USP45: variants seen among roughly 807,000 people sequenced by gnomAD.
USP45 encodes the protein ubiquitin specific peptidase 45.
In USP45, 89 loss-of-function variants were observed where a neutral mutation model predicts 95.8. The observed-to-expected ratio is 0.93, with a 90% CI of 0.78 to 1.11. The LOEUF (loss-of-function observed/expected upper bound fraction) is 1.11, where lower values mean the gene tolerates loss of function less well. Ranked by LOEUF, USP45 falls within the 50% of genes least tolerant of loss-of-function variation. USP45 has a pLI of 0.00. For synonymous variants in USP45, 281 were observed against 316.2 expected (o/e 0.89, Z 1.18); for missense variants, 898 against 942.5 (o/e 0.95, Z 0.62).
At chr6:99,495,649 T>C (rs56145024) in intron 5 of USP45, among the ~76,000 whole-genome samples, 8,941 of 152,270 alleles carry the variant, frequency 0.059, 326 homozygotes, top group South Asian at 0.12. Flanking sequence ...GATGATGCAA[T>C]TTATAAGTGT....
chr6:99,488,642 A>C, intron 6 of USP45, 39 bp downstream of exon 6: 1 of 1,569,654 alleles, frequency 6.4e-7, no homozygotes, highest in South Asian at 1.2e-5. Context: ...AAATTAAGAG[A>C]ATCTTTTACA....
chr6:99,443,680 A>T lies in USP45; in HGVS notation c.1976-18T>A. 1 of 1,455,008 alleles carries T rather than the reference A, an allele frequency of 6.9e-7. No individual in the cohort carries two copies. Among genetic ancestry groups the T allele is most frequent in the Non-Finnish European group, 9.3e-7 (1 of 1,080,152 alleles). The allele number at this position is 1,455,008 out of a possible 1,614,324, so 90.1% of individuals were successfully genotyped here. A position where few individuals can be genotyped will look rare whatever the true frequency, so the allele number is the denominator to read the frequency against. On this transcript the variant is annotated intron_variant, in intron 14 of 17. Transcript: ENST00000500704. ...TTTCTTTTCTACATAAAATACAATA[A>T]ATTTATTTATAAAATTCCATTTTAT... is the stretch of plus-strand genomic sequence containing the variant.
At chr6:99,506,923 AG>A (rs968517621) in intron 4 of USP45, among the ~76,000 whole-genome samples, 1 of 152,184 alleles carries the variant, frequency 6.6e-6, no homozygotes, top group Non-Finnish European at 1.5e-5. Context: ...AAAAGTAGAA[AG>A]GCTGGGCGCA....
At chr6:99,516,020 G>T (rs1471607565), upstream of USP45, among the ~76,000 whole-genome samples, 1 of 151,856 alleles carries the variant, frequency 6.6e-6, no homozygotes, top group Non-Finnish European at 1.5e-5. Flanking sequence ...CTTGTGATCC[G>T]CCCGCCCCGG....
At chr6:99,450,773 C>T (rs1783680684) in intron 13 of USP45, among the ~76,000 whole-genome samples, 1 of 152,114 alleles carries the variant, frequency 6.6e-6, no homozygotes, top group South Asian at 2.1e-4. Context: ...AACATCGATG[C>T]AAAAATCCTC....
intron 2 of USP45, among the ~76,000 whole-genome samples, chr6:99,509,797 A>G (rs1197046073): frequency 6.6e-6 from 1 of 152,180 alleles, no homozygotes; most frequent in Non-Finnish European, 1.5e-5. Context: ...CAGATTTCTT[A>G]ATTAAAAACA....
At chr6:99,485,676 C>T (rs1793707358) in intron 7 of USP45, among the ~76,000 whole-genome samples, 1 of 152,104 alleles carries the variant, frequency 6.6e-6, no homozygotes, top group Admixed American at 6.5e-5. Context: ...TCAAGTTATA[C>T]ACTCATAATA....
At chr6:99,513,086 G>T (rs1800271844) in intron 1 of USP45, among the ~76,000 whole-genome samples, 1 of 152,142 alleles carries the variant, frequency 6.6e-6, no homozygotes, top group Non-Finnish European at 1.5e-5. Context: ...ATGGAGAGGG[G>T]TTGCCCATGT....
At chr6:99,492,252 C>A (rs1008991732) in intron 5 of USP45, among the ~76,000 whole-genome samples, 1 of 152,198 alleles carries the variant, frequency 6.6e-6, no homozygotes, top group Non-Finnish European at 1.5e-5. Flanking sequence ...GATATATCCA[C>A]GCTTCACTGT....
At chr6:99,498,149 T>A (rs1240582421) in intron 5 of USP45, among the ~76,000 whole-genome samples, 1 of 152,188 alleles carries the variant, frequency 6.6e-6, no homozygotes, top group Non-Finnish European at 1.5e-5. Context: ...TAGAAGTAGA[T>A]CTGTCTCATT....
In USP45 at chr6:99,466,774, C is replaced by A. The variant is rs778903166; in HGVS notation, c.1016-11G>T. The A allele has an allele frequency of 6.8e-6, 11 of 1,607,468 alleles. No homozygotes were observed. In the East Asian group the frequency reaches 2.5e-4, roughly 36 times the overall value. ...CTTCTTTTCCATATGCTGTAAAAATCATACTTTTTAATGCAAAAAACATGT... is the reference window on the plus strand; with the variant it reads ...CTTCTTTTCCATATGCTGTAAAAATAATACTTTTTAATGCAAAAAACATGT... On this transcript the variant is annotated splice_polypyrimidine_tract_variant and intron_variant, in intron 10 of 17. Coordinates refer to ENST00000500704, the MANE Select transcript of USP45 (RefSeq NM_001346022.3).
At chr6:99,454,320 T>G (rs1418325688) in intron 13 of USP45, among the ~76,000 whole-genome samples, 2 of 152,094 alleles carry the variant, frequency 1.3e-5, no homozygotes, top group Non-Finnish European at 2.9e-5. Context: ...TCAAGATAGA[T>G]AAAAGACTTA....
intron 13 of USP45, among the ~76,000 whole-genome samples, chr6:99,457,001 T>C (rs938806046): frequency 6.6e-6 from 1 of 152,208 alleles, no homozygotes; most frequent in Non-Finnish European, 1.5e-5. Context: ...CCGTCTCTTA[T>C]GGTCGAGACT....
chr6:99,501,659 A>G (rs1316042345), intron 5 of USP45: 1 of 163,582 alleles, frequency 6.1e-6, no homozygotes, highest in East Asian at 1.8e-4. Context: ...TACAGACCAA[A>G]TAAAATTTAA....
At chr6:99,479,224 AGTATATTT>A (rs1791699610) in intron 8 of USP45, among the ~76,000 whole-genome samples, 1 of 10,228 alleles carries the variant, frequency 9.8e-5, no homozygotes, top group African/African-American at 4.2e-4. Flanking sequence ...CTTATCCAAT[AGTATATTT>A]TATTTTTTAG....
At chr6:99,436,762 A>T (rs1780562241) in intron 17 of USP45, among the ~76,000 whole-genome samples, 1 of 152,084 alleles carries the variant, frequency 6.6e-6, no homozygotes, top group Admixed American at 6.5e-5. Context: ...AGTCTTCATA[A>T]TATTTGAGAT....
chr6:99,446,001 C>G lies in USP45; in HGVS notation c.1771G>C (p.Glu591Gln). Reference protein sequence around the residue: ...LNISNNLCFLEGKHLRSYSPQ... With the variant: ...LNISNNLCFLQGKHLRSYSPQ... ...CTATAAGACCTCAAATGCTTCCCCTCTAAAAAACATAAATTATTTGAAATA... is the reference window on the plus strand; with the variant it reads ...CTATAAGACCTCAAATGCTTCCCCTGTAAAAAACATAAATTATTTGAAATA... Residue 591 changes from glutamate to glutamine, a missense_variant, in exon 14 of 18, where the codon GAG (glutamate) becomes CAG (glutamine). By Grantham distance (29) the Glu-to-Gln change is conservative. Coordinates refer to ENST00000500704, the MANE Select transcript of USP45 (RefSeq NM_001346022.3). The G allele has an allele frequency of 6.2e-7, 1 of 1,613,934 alleles. No homozygotes were observed. The highest frequency in any genetic ancestry group is 8.5e-7 in the Non-Finnish European group (1 of 1,179,992).
At chr6:99,510,374 C>T (rs9389444) in intron 1 of USP45, 144 bp from the exon 2 acceptor site, 493,791 of 593,916 alleles carry the variant, frequency 0.83, 207,764 homozygotes, top group East Asian at 0.99. Context: ...GGGAACATCA[C>T]TTGAAATGAA....
In USP45 at chr6:99,437,417, A is replaced by G. The variant is rs1481797126; in HGVS notation, c.2161-18T>C. The G allele has an allele frequency of 6.4e-7, 1 of 1,570,252 alleles. No individual in the cohort carries two copies. Among genetic ancestry groups the G allele is most frequent in the Admixed American group, 2.1e-5 (1 of 47,134 alleles). On this transcript the variant is annotated intron_variant, in intron 16 of 17. Coordinates refer to ENST00000500704, the MANE Select transcript of USP45 (RefSeq NM_001346022.3). ...CTTGCATTCTTTTAAACAAAGAAAA[A>G]AACCCAAATTAGTAATATTTGTTAA...
Sources: gnomAD v4.1 joint callset for allele counts (sites outside exome capture counted in the v4.1 genomes callset) on GRCh38, gnomAD v4.1.1 for gene constraint, MANE v1.5 for transcripts, NCBI Gene and HGNC (gene_info 2026-07-23, HGNC 2026-07-21) for gene names.